The following NCOA1 variants were observed in gnomAD, a reference collection of about 807,000 sequenced individuals.
NCOA1 encodes nuclear receptor coactivator 1, also known as Hin-2 protein.
NCOA1 carries 35 observed loss-of-function variants against 150.9 expected under a neutral mutation model. The observed-to-expected ratio is 0.23, with a 90% CI of 0.18 to 0.31. The LOEUF is 0.31. NCOA1 is among the 10% of genes least tolerant of loss of function. NCOA1 has a pLI of 1.00. For synonymous variants in NCOA1, 590 were observed against 630.0 expected (o/e 0.94, Z 0.95); for missense variants, 1,491 against 1,749.3 (o/e 0.85, Z 2.63).
At chr2:24,519,052 A>G (rs1194961030) in intron 1 of NCOA1, among the ~76,000 whole-genome samples, 1 of 152,232 alleles carries the variant, frequency 6.6e-6, no homozygotes, top group Non-Finnish European at 1.5e-5. Context: ...TGTAAGACTT[A>G]CACTACTTAT....
At chr2:24,581,831 A>T (rs1304416198) in intron 2 of NCOA1, among the ~76,000 whole-genome samples, 4 of 152,228 alleles carry the variant, frequency 2.6e-5, no homozygotes, top group Admixed American at 6.5e-5. Context: ...GTGATTCATC[A>T]TATCAACAGA....
At chr2:24,592,813 A>C (rs548001173) in intron 3 of NCOA1, among the ~76,000 whole-genome samples, 15 of 152,208 alleles carry the variant, frequency 9.9e-5, no homozygotes, top group Admixed American at 5.2e-4. Context: ...CCACTGAAGT[A>C]GACATTTTAA....
At chr2:24,654,798 C>G (rs1441326958) in intron 4 of NCOA1, among the ~76,000 whole-genome samples, 1 of 152,022 alleles carries the variant, frequency 6.6e-6, no homozygotes, top group Non-Finnish European at 1.5e-5. Flanking sequence ...TCATGTTTCT[C>G]AAAAAGCAGT....
At chr2:24,604,093 G>A (rs1668249823) in intron 3 of NCOA1, among the ~76,000 whole-genome samples, 1 of 152,214 alleles carries the variant, frequency 6.6e-6, no homozygotes, top group East Asian at 1.9e-4. Flanking sequence ...TTGTGAATGA[G>A]CAGTAATATT....
intron 10 of NCOA1, among the ~76,000 whole-genome samples, chr2:24,693,944 G>C (rs1436462996): frequency 1.3e-5 from 2 of 152,156 alleles, no homozygotes; most frequent in African/African-American, 4.8e-5. Context: ...CTGAGGAGCT[G>C]ATACTGAGCC....
At chr2:24,737,928 G>T (rs1481922294) in intron 17 of NCOA1, among the ~76,000 whole-genome samples, 1 of 152,118 alleles carries the variant, frequency 6.6e-6, no homozygotes, top group East Asian at 1.9e-4. Flanking sequence ...CTAAATTTAT[G>T]TTCCTGGTCT....
chr2:24,683,887 T>G (rs1558901847), intron 8 of NCOA1, among the ~76,000 whole-genome samples: 1 of 152,212 alleles, frequency 6.6e-6, no homozygotes, highest in Non-Finnish European at 1.5e-5. Context: ...CATATTACAT[T>G]TCAGATTCCA....
intron 20 of NCOA1, among the ~76,000 whole-genome samples, chr2:24,753,072 A>C (rs1007879602): frequency 2.6e-5 from 4 of 152,252 alleles, no homozygotes; most frequent in African/African-American, 9.6e-5. Flanking sequence ...AGGTGAGAGA[A>C]AATCTTCATG....
chr2:24,764,476 C>T (rs2148704251), intron 22 of NCOA1, among the ~76,000 whole-genome samples: 1 of 152,218 alleles, frequency 6.6e-6, no homozygotes, highest in Admixed American at 6.5e-5. Context: ...AGGACAGTTA[C>T]CAAGGCAAAG....
At chr2:24,716,609 CAAAA>C (rs930972318) in intron 14 of NCOA1, among the ~76,000 whole-genome samples, 3 of 151,284 alleles carry the variant, frequency 2.0e-5, no homozygotes, top group African/African-American at 2.4e-5. Context: ...AGCTTTTCAA[CAAAA>C]AAAAGTCATT....
At chr2:24,598,286 A>G (rs557021428) in intron 3 of NCOA1, among the ~76,000 whole-genome samples, 9 of 152,200 alleles carry the variant, frequency 5.9e-5, no homozygotes, top group Non-Finnish European at 1.0e-4. Context: ...CATTCTCGTA[A>G]ATGAAATTAG....
chr2:24,742,905 G>T (rs1405026887), intron 19 of NCOA1, among the ~76,000 whole-genome samples: 1 of 152,166 alleles, frequency 6.6e-6, no homozygotes, highest in Non-Finnish European at 1.5e-5. Flanking sequence ...ACTACTCATT[G>T]GTGTCATCAC....
intron 21 of NCOA1, among the ~76,000 whole-genome samples, chr2:24,758,508 A>G (rs1006751350): frequency 3.3e-5 from 5 of 151,192 alleles, no homozygotes; most frequent in African/African-American, 9.7e-5. Context: ...TTTTTTTACT[A>G]TTTGCAGAAA....
chr2:24,547,808 G>A (rs531088018), intron 1 of NCOA1, among the ~76,000 whole-genome samples: 26 of 152,124 alleles, frequency 1.7e-4, no homozygotes, highest in African/African-American at 5.8e-4. Flanking sequence ...CTAACGTGGT[G>A]AAACCCTGTC....
intron 1 of NCOA1, among the ~76,000 whole-genome samples, chr2:24,539,034 T>C (rs952028379): frequency 8.5e-5 from 13 of 152,186 alleles, no homozygotes; most frequent in African/African-American, 2.9e-4. Context: ...GTTCTTAACG[T>C]GTAAAAGTTA....
intron 18 of NCOA1, 67 bp downstream of exon 18, chr2:24,739,600 C>A: frequency 8.4e-7 from 1 of 1,187,780 alleles, no homozygotes; most frequent in Non-Finnish European, 1.3e-6. Context: ...AAAGTGTTGA[C>A]TTGAGTGTCT....
chr2:24,671,359 T>C (rs1458275180), intron 6 of NCOA1, among the ~76,000 whole-genome samples: 3 of 152,104 alleles, frequency 2.0e-5, no homozygotes, highest in African/African-American at 7.2e-5. Flanking sequence ...AAGTCCCTGA[T>C]ATAAAATGGT....
chr2:24,695,154 C>G (rs976150267), intron 10 of NCOA1, among the ~76,000 whole-genome samples: 1 of 151,866 alleles, frequency 6.6e-6, no homozygotes, highest in African/African-American at 2.4e-5. Flanking sequence ...CAGTGTTATC[C>G]CTGGTAGTTT....
chr2:24,502,194 C>G (rs1385823270), intron 1 of NCOA1, among the ~76,000 whole-genome samples: 1 of 152,178 alleles, frequency 6.6e-6, no homozygotes, highest in African/African-American at 2.4e-5. Context: ...TTTCAATTCA[C>G]TTCGCTTCAA....
Sources: allele counts gnomAD v4.1 joint callset (sites outside exome capture counted in the v4.1 genomes callset), GRCh38; gene constraint gnomAD v4.1.1; transcripts MANE v1.5; gene names NCBI Gene and HGNC (gene_info 2026-07-23, HGNC 2026-07-21).